Variants in PTPRD observed in about 807,000 individuals in gnomAD.
PTPRD encodes the protein receptor-type tyrosine-protein phosphatase delta.
PTPRD carries 34 observed loss-of-function variants against 214.5 expected under a neutral mutation model. The observed-to-expected ratio is 0.16, with a 90% confidence interval of 0.12 to 0.21. PTPRD has a LOEUF of 0.21. PTPRD is among the 10% of genes least tolerant of loss of function. The pLI, the probability that PTPRD is intolerant of heterozygous loss-of-function variation, is 1.00. For synonymous variants in PTPRD, 1,128 were observed against 845.7 expected (o/e 1.33, Z -5.79); for missense variants, 2,545 against 2,398.7 (o/e 1.06, Z -1.27).
chr9:8,957,252 C>T (rs190848600), intron 11 of PTPRD, among the ~76,000 whole-genome samples: 1 of 151,906 alleles, frequency 6.6e-6, no homozygotes, highest in East Asian at 1.9e-4. Context: ...TTTTCTGGGG[C>T]TACCTACTCC....
At chr9:8,681,257 A>T (rs2097544135) in intron 12 of PTPRD, among the ~76,000 whole-genome samples, 1 of 152,220 alleles carries the variant, frequency 6.6e-6, no homozygotes, top group Non-Finnish European at 1.5e-5. Context: ...TAAAGTCCGT[A>T]TAACCAAAGC....
chr9:8,437,129 C>G (rs2095383935), intron 34 of PTPRD: 2 of 1,136,856 alleles, frequency 1.8e-6, no homozygotes, highest in African/African-American at 3.2e-5. Flanking sequence ...TGAGAAAGGC[C>G]TAAAAGGGAA....
intron 11 of PTPRD, among the ~76,000 whole-genome samples, chr9:8,924,955 G>C (rs530980264): frequency 6.6e-6 from 1 of 152,258 alleles, no homozygotes; most frequent in South Asian, 2.1e-4. Flanking sequence ...GCTGATGATT[G>C]TGGTGGAAAT....
Position 8,479,788 on chromosome 9 carries a change from T to C in PTPRD, c.3413+4331A>G, listed in dbSNP as rs73426343. Among the ~76,000 whole-genome samples the C allele has an allele frequency of 1.9e-3, 284 of 152,256 alleles. 1 individual carries two copies. The highest frequency in any genetic ancestry group is 6.6e-3 in the African/African-American group (275 of 41,546). On this transcript the variant is annotated intron_variant, in intron 30 of 45. Coordinates refer to ENST00000381196, the MANE Select transcript of PTPRD (RefSeq NM_002839.4). ...AAATGCTGAAGAATATACTATACTA[T>C]TTTCCTCTTTCAACTGCTCTTTTCC...
At chr9:9,783,296 G>A (rs2154491716) in intron 5 of PTPRD, among the ~76,000 whole-genome samples, 1 of 152,232 alleles carries the variant, frequency 6.6e-6, no homozygotes, top group African/African-American at 2.4e-5. Flanking sequence ...ACAGTGCAGT[G>A]AGGAAAATTT....
intron 2 of PTPRD, among the ~76,000 whole-genome samples, chr9:10,451,293 C>T (rs2098840121): frequency 6.6e-6 from 1 of 151,870 alleles, no homozygotes; most frequent in African/African-American, 2.4e-5. Context: ...ATTACATTTG[C>T]TTATTTCCTT....
At chr9:8,727,480 C>T (rs1313566298) in intron 12 of PTPRD, among the ~76,000 whole-genome samples, 5 of 152,132 alleles carry the variant, frequency 3.3e-5, no homozygotes, top group African/African-American at 9.7e-5. Context: ...TTTTGCCACA[C>T]CTCTACTAAT....
At position 8,651,235 on chromosome 9, in the gene PTPRD, A is replaced by G. The variant is rs140290408; in HGVS notation, c.65-14391T>C. Among the ~76,000 whole-genome samples the G allele has an allele frequency of 5.4e-3, 819 of 152,240 alleles. 15 individuals are homozygous for G. Among genetic ancestry groups the G allele is most frequent in the African/African-American group, 0.019 (790 of 41,556 alleles). On this transcript the variant is annotated intron_variant, in intron 12 of 45. Transcript: ENST00000381196. ...CTTGCTAACCACGATGGATCTCTGCATTTTCACACAGTGGCCCCGCCCATT... is the reference window on the plus strand; with the variant it reads ...CTTGCTAACCACGATGGATCTCTGCGTTTTCACACAGTGGCCCCGCCCATT...
intron 3 of PTPRD, among the ~76,000 whole-genome samples, chr9:10,108,025 T>C (rs890988996): frequency 8.5e-5 from 13 of 152,094 alleles, no homozygotes; most frequent in African/African-American, 2.2e-4. Context: ...TTGGCTGCCA[T>C]GTGGTTGAAA....
At chr9:9,335,409 TTTA>T (rs1569567471) in intron 9 of PTPRD, among the ~76,000 whole-genome samples, 1 of 152,044 alleles carries the variant, frequency 6.6e-6, no homozygotes, top group Non-Finnish European at 1.5e-5. Context: ...AATTTTTACC[TTTA>T]TTGTCATAGA....
intron 8 of PTPRD, among the ~76,000 whole-genome samples, chr9:9,523,159 A>C (rs1273381637): frequency 6.6e-6 from 1 of 152,224 alleles, no homozygotes; most frequent in South Asian, 2.1e-4. Flanking sequence ...TTTTAAAAAA[A>C]TGCTTTTTTA....
chr9:9,627,095 C>T (rs1358756652), intron 7 of PTPRD, among the ~76,000 whole-genome samples: 2 of 152,158 alleles, frequency 1.3e-5, no homozygotes, highest in Non-Finnish European at 1.5e-5. Context: ...TGTCAGATCA[C>T]TTGAGGTCAG....
chr9:8,671,323 G>T (rs1252255978), intron 12 of PTPRD, among the ~76,000 whole-genome samples: 1 of 152,024 alleles, frequency 6.6e-6, no homozygotes, highest in Non-Finnish European at 1.5e-5. Flanking sequence ...AATGAGAGTG[G>T]AAGGCATATA....
chr9:8,442,978 A>G (rs1445890862), intron 34 of PTPRD, among the ~76,000 whole-genome samples: 1 of 152,196 alleles, frequency 6.6e-6, no homozygotes, highest in Non-Finnish European at 1.5e-5. Context: ...CCGTTTCTGC[A>G]ACAAAAATTT....
At chr9:9,178,362 T>C (rs116063370) in intron 10 of PTPRD, among the ~76,000 whole-genome samples, 161 of 152,076 alleles carry the variant, frequency 1.1e-3, no homozygotes, top group African/African-American at 3.9e-3. Flanking sequence ...CCTCACTTCC[T>C]CCTTCCTTCT....
rs1206031269 is a variant in PTPRD at position 9,645,476 on chromosome 9, TA to T, written c.-286-70696del. On this transcript the variant is annotated intron_variant, in intron 7 of 45. Coordinates refer to ENST00000381196, the MANE Select transcript of PTPRD (RefSeq NM_002839.4). ...ATATATGTATATATATATATATATATATATTTTCTATTTGCTTCTATTTGAA... is the reference window on the plus strand; with the variant it reads ...ATATATGTATATATATATATATATATTATTTTCTATTTGCTTCTATTTGAA... 2.7e-3 allele frequency among the ~76,000 whole-genome samples: 394 copies of T among 147,734 alleles called. 1 individual carries two copies. The highest frequency in any genetic ancestry group is 9.0e-3 in the African/African-American group (362 of 40,118).
At chr9:9,992,822 G>C (rs2095991528) in intron 4 of PTPRD, among the ~76,000 whole-genome samples, 1 of 151,868 alleles carries the variant, frequency 6.6e-6, no homozygotes, top group South Asian at 2.1e-4. Flanking sequence ...AGGGGGGAGG[G>C]ATAGCATTAG....
chr9:8,708,106 C>A (rs1044237612), intron 12 of PTPRD, among the ~76,000 whole-genome samples: 1 of 152,142 alleles, frequency 6.6e-6, no homozygotes, highest in African/African-American at 2.4e-5. Flanking sequence ...AATCTCAATC[C>A]AACAAAAATG....
Position 8,527,295 on chromosome 9 carries a change from G to A in PTPRD, c.550+50C>T, listed in dbSNP as rs758986280. 10 of 1,568,396 alleles carry A rather than the reference G, an allele frequency of 6.4e-6. No homozygotes were observed. The African/African-American group carries it at 1.1e-4, about 17-fold the overall frequency. ...TTATTAATAATAATAATAATATTCT[G>A]GATATGGAAATTAGTGGGGTTGAAG... On this transcript the variant is annotated intron_variant, in intron 16 of 45. Coordinates refer to ENST00000381196, the MANE Select transcript of PTPRD (RefSeq NM_002839.4).
Sources: gnomAD v4.1 joint callset for allele counts (sites outside exome capture counted in the v4.1 genomes callset) on GRCh38, gnomAD v4.1.1 for gene constraint, MANE v1.5 for transcripts, NCBI Gene and HGNC (gene_info 2026-07-23, HGNC 2026-07-21) for gene names.